Variants in MANBA observed in about 807,000 individuals in gnomAD.
MANBA encodes the protein beta-mannosidase.
Under a neutral mutation model 111.1 loss-of-function variants are expected in MANBA, and 83 were observed. That is an observed-to-expected ratio of 0.75 (90% CI 0.63 to 0.90). MANBA has a LOEUF of 0.90. Among genes scored for constraint, MANBA ranks in the 40% least tolerant of loss-of-function variants. The pLI, the probability that MANBA is intolerant of heterozygous loss-of-function variation, is 0.00. For synonymous variants in MANBA, 370 were observed against 378.7 expected (o/e 0.98, Z 0.27); for missense variants, 1,036 against 1,069.0 (o/e 0.97, Z 0.43).
At chr4:102,705,998 T>G (rs1337045252) in intron 5 of MANBA, among the ~76,000 whole-genome samples, 10 of 152,274 alleles carry the variant, frequency 6.6e-5, no homozygotes, top group African/African-American at 2.4e-4. Context: ...GCAGACTTCT[T>G]GGAAACCAGA....
chr4:102,635,322 G>A (rs576480359), intron 15 of MANBA, among the ~76,000 whole-genome samples: 7 of 152,182 alleles, frequency 4.6e-5, no homozygotes, highest in South Asian at 4.1e-4. Context: ...TACCTGGTGC[G>A]TTGTAATTTT....
Position 102,714,537 on chromosome 4 carries a change from A to G in MANBA, c.574T>C (p.Trp192Arg). The change falls in exon 5 of 17, where the codon TGG becomes CGG. Residue 192 changes from tryptophan (W) to arginine (R), a missense_variant. Trp to Arg is a moderately radical substitution (Grantham distance 101). Coordinates refer to ENST00000647097, the MANE Select transcript of MANBA (RefSeq NM_005908.4). ...RKEQCSFSWDWGPSFPTQGIW... is the reference protein window; with the variant it reads ...RKEQCSFSWDRGPSFPTQGIW... ...CCCTGGGTAGGAAAGGAAGGCCCCC[A>G]GTCCCAACTAAAGGAACATTGCTCC... 1 of 1,608,808 alleles carries G rather than the reference A, an allele frequency of 6.2e-7. No homozygotes were observed. Among genetic ancestry groups the G allele is most frequent in the Non-Finnish European group, 8.5e-7 (1 of 1,175,126 alleles).
intron 13 of MANBA, among the ~76,000 whole-genome samples, chr4:102,648,580 G>A (rs1730200042): frequency 6.6e-6 from 1 of 152,064 alleles, no homozygotes; most frequent in South Asian, 2.1e-4. Flanking sequence ...AGCTGGAGGT[G>A]GGAAAGGGGA....
chr4:102,724,943 A>C (rs1243225806), intron 2 of MANBA, among the ~76,000 whole-genome samples: 2 of 152,258 alleles, frequency 1.3e-5, no homozygotes, highest in Non-Finnish European at 2.9e-5. Flanking sequence ...GAACTTTGAA[A>C]ACATTATTAT....
At position 102,754,886 on chromosome 4, in the gene MANBA, T is replaced by TAA. The variant is rs573432832; in HGVS notation, c.177+5830_177+5831dup. ...TGTTAAGCTGTATATTTAATACTTA[T>TAA]AAAAGTGTATGCATTAAAAAAATTA... is the stretch of plus-strand genomic sequence containing the variant. On this transcript the variant is annotated intron_variant, in intron 1 of 16. Coordinates refer to ENST00000647097, the MANE Select transcript of MANBA (RefSeq NM_005908.4). 2.4e-3 allele frequency among the ~76,000 whole-genome samples: 368 copies of TAA among 152,276 alleles called. 3 individuals carry two copies. The highest frequency in any genetic ancestry group is 8.4e-3 in the African/African-American group (351 of 41,552).
At chr4:102,692,117 A>T (rs1732505132) in intron 5 of MANBA, among the ~76,000 whole-genome samples, 1 of 152,130 alleles carries the variant, frequency 6.6e-6, no homozygotes, top group Admixed American at 6.6e-5. Flanking sequence ...GCATGACCAG[A>T]TCTGCATTTT....
intron 13 of MANBA, among the ~76,000 whole-genome samples, chr4:102,650,097 T>G (rs1578868957): frequency 6.6e-6 from 1 of 152,160 alleles, no homozygotes; most frequent in African/African-American, 2.4e-5. Flanking sequence ...CCCATAAAGG[T>G]ATCCACGTGA....
Position 102,689,582 on chromosome 4 carries a change from AT to A in MANBA, c.951del (p.Lys317AsnfsTer13). 1.3e-6 allele frequency: 2 copies of A among 1,577,662 alleles called. No homozygotes were observed. The highest frequency in any genetic ancestry group is 1.7e-6 in the Non-Finnish European group (2 of 1,150,064). On this transcript the variant is annotated frameshift_variant, in exon 7 of 17. Coordinates refer to ENST00000647097, the MANE Select transcript of MANBA (RefSeq NM_005908.4). LOFTEE classifies it high-confidence loss of function. ...FELDGGLNIE[K>X]SAKVYFRTVE... ...TTAAATTACTTACTTACCTTAGCTG[AT>A]TTTTCAATATTTAAGCCTCCATCCA...
At chr4:102,744,600 C>T (rs1333006718) in intron 1 of MANBA, among the ~76,000 whole-genome samples, 4 of 152,166 alleles carry the variant, frequency 2.6e-5, no homozygotes, top group Admixed American at 1.3e-4. Context: ...ATACCAGGTA[C>T]CAGGAGATGT....
chr4:102,687,176 C>G (rs1336843174), intron 7 of MANBA, among the ~76,000 whole-genome samples: 1 of 152,110 alleles, frequency 6.6e-6, no homozygotes, highest in Non-Finnish European at 1.5e-5. Context: ...TTCCCACCCC[C>G]ACATCATCAA....
chr4:102,698,179 C>A (rs227377), intron 5 of MANBA, among the ~76,000 whole-genome samples: 1 of 151,824 alleles, frequency 6.6e-6, no homozygotes, highest in African/African-American at 2.4e-5. Context: ...TGTTCATGTC[C>A]TTTGCCCACT....
chr4:102,681,238 CAGGAGGATAAGGT>C (rs1395579187), intron 7 of MANBA, among the ~76,000 whole-genome samples: 1 of 152,108 alleles, frequency 6.6e-6, no homozygotes, highest in Non-Finnish European at 1.5e-5. Context: ...CCTAGCTACT[CAGGAGGATAAGGT>C]AGGAGGATCA....
At chr4:102,675,792 G>A (rs910228015) in intron 7 of MANBA, among the ~76,000 whole-genome samples, 1 of 152,008 alleles carries the variant, frequency 6.6e-6, no homozygotes, top group Non-Finnish European at 1.5e-5. Flanking sequence ...GGCCAACATG[G>A]TGAAATCCTA....
At chr4:102,678,814 A>G (rs1731838402) in intron 7 of MANBA, among the ~76,000 whole-genome samples, 1 of 152,200 alleles carries the variant, frequency 6.6e-6, no homozygotes, top group Non-Finnish European at 1.5e-5. Flanking sequence ...CGTGACTGAT[A>G]AATACGGTAC....
intron 5 of MANBA, among the ~76,000 whole-genome samples, chr4:102,710,959 A>G (rs1722039440): frequency 6.6e-6 from 1 of 152,184 alleles, no homozygotes. Context: ...ATAAATAAAA[A>G]TAAACTCAAG....
At chr4:102,753,209 G>A (rs1359242407) in intron 1 of MANBA, among the ~76,000 whole-genome samples, 1 of 151,986 alleles carries the variant, frequency 6.6e-6, no homozygotes, top group East Asian at 1.9e-4. Flanking sequence ...AACCACCTTA[G>A]GGGATGATTT....
intron 14 of MANBA, among the ~76,000 whole-genome samples, chr4:102,637,974 A>G (rs1429726369): frequency 1.3e-5 from 2 of 152,202 alleles, no homozygotes; most frequent in African/African-American, 4.8e-5. Context: ...ATCTGATGCA[A>G]TCTGCAGGTA....
chr4:102,700,052 T>G (rs1732944314), intron 5 of MANBA, among the ~76,000 whole-genome samples: 1 of 150,582 alleles, frequency 6.6e-6, no homozygotes, highest in Non-Finnish European at 1.5e-5. Flanking sequence ...TATTGGTCTA[T>G]TCAGAGATTC....
intron 1 of MANBA, chr4:102,734,315 G>A (rs560188927): frequency 2.5e-6 from 4 of 1,574,330 alleles, no homozygotes; most frequent in South Asian, 2.3e-5. Flanking sequence ...GCTCTGAAGA[G>A]TGGTGAGTCA....
Sources: allele counts gnomAD v4.1 joint callset (sites outside exome capture counted in the v4.1 genomes callset), GRCh38; gene constraint gnomAD v4.1.1; transcripts MANE v1.5; gene names NCBI Gene and HGNC (gene_info 2026-07-23, HGNC 2026-07-21).